Variants in TOGARAM2 observed in about 807,000 individuals in gnomAD.
The protein encoded by TOGARAM2 is TOG array regulator of axonemal microtubules 2.
A neutral mutation model predicts 93.3 loss-of-function variants in TOGARAM2; 85 were observed. The observed-to-expected ratio is 0.91, with a 90% confidence interval of 0.76 to 1.09. The LOEUF is 1.09. TOGARAM2 is among the 50% of genes least tolerant of loss of function. The pLI, the probability that TOGARAM2 is intolerant of heterozygous loss-of-function variation, is 0.00. For missense variants in TOGARAM2, 1,277 were observed against 1,334.5 expected, an observed-to-expected ratio of 0.96 and a Z score of 0.67; for synonymous variants, 593 against 552.8, an observed-to-expected ratio of 1.07 and a Z score of -1.02.
chr2:29,019,220 G>T lies in TOGARAM2; in HGVS notation c.1360+1264G>T, dbSNP rs530806995. Among the ~76,000 whole-genome samples, 12 of 130,964 alleles carry T rather than the reference G, an allele frequency of 9.2e-5. No homozygotes were observed. The East Asian group carries it at 2.4e-3, about 26-fold the overall frequency. The allele number at this position is 130,964 out of a possible 152,430, so 85.9% of individuals were successfully genotyped here. A position where few individuals can be genotyped will look rare whatever the true frequency, so the allele number is the denominator to read the frequency against. On this transcript the variant is annotated intron_variant, in intron 10 of 19. Transcript: ENST00000379558. The stretch of plus-strand genomic sequence containing the variant: ...TTTTATGACAGAGTCTCACTCTGTC[G>T]CCCAGGCTGGAGTGCAGTGGTGCGA...
intron 10 of TOGARAM2, among the ~76,000 whole-genome samples, chr2:29,019,325 A>G (rs868486772): frequency 9.2e-5 from 14 of 152,024 alleles, no homozygotes; most frequent in Admixed American, 3.3e-4. Context: ...GCATGCCACC[A>G]TGGCCCGATT....
At chr2:29,046,613 C>T (rs906753073) in intron 19 of TOGARAM2, 6 of 152,490 alleles carry the variant, frequency 3.9e-5, no homozygotes, top group African/African-American at 1.4e-4. Context: ...CACCCCAGCT[C>T]TATGCTCATT....
chr2:29,007,596 C>T (rs1663960546), intron 6 of TOGARAM2, among the ~76,000 whole-genome samples: 1 of 152,090 alleles, frequency 6.6e-6, no homozygotes, highest in African/African-American at 2.4e-5. Flanking sequence ...CTGTGCGCTC[C>T]ATCCCCATCT....
At chr2:29,044,909 C>T (rs143930816) in intron 18 of TOGARAM2, among the ~76,000 whole-genome samples, 1 of 151,974 alleles carries the variant, frequency 6.6e-6, no homozygotes, top group African/African-American at 2.4e-5. Context: ...TCTGTATATC[C>T]ATCCATCCAT....
chr2:28,985,627 A>G (rs1187403371), intron 1 of TOGARAM2, among the ~76,000 whole-genome samples: 2 of 152,194 alleles, frequency 1.3e-5, no homozygotes, highest in African/African-American at 4.8e-5. Flanking sequence ...GAAGATTTTG[A>G]ATTTTGTAAA....
At chr2:29,044,144 G>A (rs1340202902) in intron 18 of TOGARAM2, among the ~76,000 whole-genome samples, 1 of 152,332 alleles carries the variant, frequency 6.6e-6, no homozygotes, top group South Asian at 2.1e-4. Flanking sequence ...AGGGAGCTGC[G>A]CCTCGCAGCT....
intron 19 of TOGARAM2, chr2:29,045,823 C>T (rs190863972): frequency 3.7e-4 from 95 of 258,120 alleles, no homozygotes; most frequent in Non-Finnish European, 6.6e-4. Flanking sequence ...GAAAAAAAGC[C>T]GAAGTACTTC....
At chr2:29,045,698 G>A (rs748019840) in intron 19 of TOGARAM2, 2 of 408,414 alleles carry the variant, frequency 4.9e-6, no homozygotes, top group Non-Finnish European at 9.0e-6. Context: ...TCCAAAACCT[G>A]AAACTTTTTG....
At chr2:29,020,294 G>A (rs1366725395) in intron 10 of TOGARAM2, among the ~76,000 whole-genome samples, 1 of 144,096 alleles carries the variant, frequency 6.9e-6, no homozygotes, top group African/African-American at 2.9e-5. Flanking sequence ...TGGCTGGAAA[G>A]TTGTTTATTG....
chr2:29,011,334 T>C, intron 6 of TOGARAM2, 121 bp from the exon 7 acceptor site: 1 of 767,518 alleles, frequency 1.3e-6, no homozygotes, highest in South Asian at 1.6e-5. Context: ...GGGATAACAG[T>C]GCCGTCCCCT....
At chr2:28,988,518 C>T (rs1672567527) in intron 1 of TOGARAM2, among the ~76,000 whole-genome samples, 1 of 152,192 alleles carries the variant, frequency 6.6e-6, no homozygotes, top group African/African-American at 2.4e-5. Flanking sequence ...AGCTCCCCTC[C>T]CTCCCCTGTG....
chr2:29,044,406 T>C (rs957564401), intron 18 of TOGARAM2, among the ~76,000 whole-genome samples: 8 of 152,124 alleles, frequency 5.3e-5, no homozygotes, highest in African/African-American at 1.9e-4. Flanking sequence ...TGATAATATG[T>C]GCTCCTCAGC....
In TOGARAM2 at chr2:29,036,739, G is replaced by A. The variant is rs753611550; in HGVS notation, c.2617G>A (p.Ala873Thr). The change falls in exon 18 of 20, where the codon GCG (alanine) becomes ACG (threonine). Residue 873 changes from alanine to threonine, a missense_variant. Physicochemically the swap from Ala to Thr is moderately conservative, Grantham distance 58 (BLOSUM62 0). Transcript: ENST00000379558. ...CGCTGCTGCCGTGGCTGTGCTGGAT[G>A]CGATGGTTGAGAGCCTGGGTGAGTG... ...IYAAAVAVLD[A>T]MVESLDNLCL... 1 of 1,613,330 alleles carries A rather than the reference G, an allele frequency of 6.2e-7. No homozygotes were observed. The highest frequency in any genetic ancestry group is 8.5e-7 in the Non-Finnish European group (1 of 1,179,656).
chr2:28,994,860 A>T lies in TOGARAM2; in HGVS notation c.26A>T (p.Glu9Val), dbSNP rs774509675. The change falls in exon 2 of 20, where the codon GAA becomes GTA. Residue 9 changes from glutamate (E) to valine (V), a missense_variant and splice_region_variant. Glu to Val is a moderately radical substitution (Grantham distance 121, BLOSUM62 -2). Transcript: ENST00000379558. Reference sequence around the variant, plus strand: ...ATGGGCACCCGTGACGATGTCCCCGAAGGTAAGGGGCACCATGGGAGGCCT... The same window carrying T: ...ATGGGCACCCGTGACGATGTCCCCGTAGGTAAGGGGCACCATGGGAGGCCT... Reference protein sequence around the residue: MGTRDDVPEAKVLVPVAVY... With the variant: MGTRDDVPVAKVLVPVAVY... 4.5e-6 allele frequency: 7 copies of T among 1,552,464 alleles called. No homozygotes were observed. Among genetic ancestry groups the T allele is most frequent in the Non-Finnish European group, 6.1e-6 (7 of 1,147,432 alleles).
chr2:28,999,486 C>A lies in TOGARAM2; in HGVS notation c.427+18C>A. On this transcript the variant is annotated intron_variant, in intron 4 of 19. Transcript: ENST00000379558. ...TTCCCGAGGTGAGCACTGGCCCCTG[C>A]CCACCCCTCACCCACCCACTTCCAG... is the stretch of plus-strand genomic sequence containing the variant. 1.3e-6 allele frequency: 2 copies of A among 1,569,328 alleles called. No homozygotes were observed. Among genetic ancestry groups the A allele is most frequent in the Middle Eastern group, 1.7e-4 (1 of 5,828 alleles).
chr2:29,022,032 C>T, intron 10 of TOGARAM2, 126 bp from the exon 11 acceptor site: 1 of 1,267,230 alleles, frequency 7.9e-7, no homozygotes, highest in South Asian at 1.3e-5. Context: ...CACTTGTACA[C>T]CCTCCCTGTT....
At chr2:29,039,922 C>CA (rs1666333361) in intron 18 of TOGARAM2, among the ~76,000 whole-genome samples, 1 of 152,202 alleles carries the variant, frequency 6.6e-6, no homozygotes, top group Non-Finnish European at 1.5e-5. Context: ...CCTCAGCATT[C>CA]AAGCTTCTCT....
At chr2:28,998,489 C>T (rs1673110759) in intron 3 of TOGARAM2, among the ~76,000 whole-genome samples, 1 of 152,188 alleles carries the variant, frequency 6.6e-6, no homozygotes, top group African/African-American at 2.4e-5. Flanking sequence ...TCTCTGCATG[C>T]GCCTGGACCT....
Position 29,014,577 on chromosome 2 carries a change from G to A in TOGARAM2, c.1044+16G>A, listed in dbSNP as rs1238494507. ...CGGCACCAAGGTACCTGGGGAGCGG[G>A]AGGAGGAGGAAGTGGGGCTGGAGTG... On this transcript the variant is annotated intron_variant, in intron 8 of 19. Coordinates refer to ENST00000379558, the MANE Select transcript of TOGARAM2 (RefSeq NM_199280.4). 1 of 1,558,180 alleles carries A rather than the reference G, an allele frequency of 6.4e-7. No individual in the cohort carries two copies. The highest frequency in any genetic ancestry group is 8.7e-7 in the Non-Finnish European group (1 of 1,150,206).
Sources: gnomAD v4.1 joint callset for allele counts (sites outside exome capture counted in the v4.1 genomes callset) on GRCh38, gnomAD v4.1.1 for gene constraint, MANE v1.5 for transcripts, NCBI Gene and HGNC (gene_info 2026-07-23, HGNC 2026-07-21) for gene names.